KLF12: variants seen among roughly 807,000 people sequenced by gnomAD.
KLF12 encodes KLF transcription factor 12, also known as Krueppel-like factor 12.
A neutral mutation model predicts 37.8 loss-of-function variants in KLF12; 9 were observed. That is an observed-to-expected ratio of 0.24 (90% CI 0.14 to 0.42). The LOEUF is 0.42. KLF12 is among the 10% of genes least tolerant of loss of function. The probability of loss-of-function intolerance (pLI) is 1.00; values close to 1 mark genes in which losing one functional copy is unlikely to be tolerated. For missense variants in KLF12, 411 were observed against 516.0 expected (o/e 0.80, Z 1.97); for synonymous variants, 208 against 202.1 (o/e 1.03, Z -0.25).
chr13:73,952,493 C>A (rs1024967377), intron 2 of KLF12, among the ~76,000 whole-genome samples: 23 of 152,210 alleles, frequency 1.5e-4, no homozygotes, highest in Non-Finnish European at 2.8e-4. Flanking sequence ...GATCCAATCA[C>A]CTCCCATCAG....
intron 5 of KLF12, among the ~76,000 whole-genome samples, chr13:73,803,435 T>C (rs527723630): frequency 6.6e-6 from 1 of 152,164 alleles, no homozygotes; most frequent in African/African-American, 2.4e-5. Flanking sequence ...TTACCAGAGT[T>C]CTTCCCCAAA....
intron 3 of KLF12, among the ~76,000 whole-genome samples, chr13:73,905,735 G>A (rs1888250364): frequency 8.3e-6 from 1 of 120,188 alleles, no homozygotes; most frequent in South Asian, 2.4e-4. Context: ...TTGTTAATGT[G>A]CAATACATTT....
At chr13:74,147,130 A>G in the KLF12 span, among the ~76,000 whole-genome samples, 10 of 152,204 alleles carry the variant, frequency 6.6e-5, no homozygotes, top group African/African-American at 1.7e-4. Flanking sequence ...AGCTTCAGGA[A>G]AAGATGAGTG....
At chr13:73,944,316 G>A (rs1864259237) in intron 2 of KLF12, among the ~76,000 whole-genome samples, 1 of 152,152 alleles carries the variant, frequency 6.6e-6, no homozygotes, top group Non-Finnish European at 1.5e-5. Context: ...AGGTCAGACT[G>A]TAATAAACTG....
rs141081808 is a variant in KLF12 at position 73,730,415 on chromosome 13, C to T, written c.870-14890G>A. 4.4e-3 allele frequency among the ~76,000 whole-genome samples: 674 copies of T among 152,288 alleles called. 7 individuals are homozygous for T. Among genetic ancestry groups the T allele is most frequent in the African/African-American group, 0.015 (639 of 41,548 alleles). On this transcript the variant is annotated intron_variant, in intron 6 of 7. Coordinates refer to ENST00000377669, the MANE Select transcript of KLF12 (RefSeq NM_007249.5). ...CCCTGGCTAGGAAGTACGGGCAGGG[C>T]TCAGCTCATAGTTTACCTCCAAGCC...
intron 1 of KLF12, among the ~76,000 whole-genome samples, chr13:74,028,457 G>T (rs1232386276): frequency 6.6e-6 from 1 of 152,016 alleles, no homozygotes; most frequent in Non-Finnish European, 1.5e-5. Context: ...TAAATGTGGT[G>T]GTTTCACTAG....
intron 1 of KLF12, among the ~76,000 whole-genome samples, chr13:74,105,790 T>A (rs1876620044): frequency 6.6e-6 from 1 of 152,044 alleles, no homozygotes; most frequent in Admixed American, 6.6e-5. Flanking sequence ...AAAGAAAAAA[T>A]TAATATGTAC....
At chr13:73,863,601 G>A (rs376401165) in intron 3 of KLF12, among the ~76,000 whole-genome samples, 8 of 152,104 alleles carry the variant, frequency 5.3e-5, no homozygotes, top group Non-Finnish European at 2.9e-5. Flanking sequence ...TAGAATATCC[G>A]ATAGTTTGTA....
chr13:73,747,625 T>C (rs1269773554), intron 6 of KLF12, among the ~76,000 whole-genome samples: 2 of 152,206 alleles, frequency 1.3e-5, no homozygotes, highest in African/African-American at 4.8e-5. Flanking sequence ...TCAACACTTA[T>C]TTATTGCGTT....
chr13:73,772,626 G>A (rs1470823817), intron 5 of KLF12, among the ~76,000 whole-genome samples: 1 of 152,192 alleles, frequency 6.6e-6, no homozygotes, highest in Non-Finnish European at 1.5e-5. Flanking sequence ...AAGGTTTAGC[G>A]AGCCTGGAGG....
At chr13:74,095,523 G>C (rs1282825928) in intron 1 of KLF12, among the ~76,000 whole-genome samples, 2 of 151,926 alleles carry the variant, frequency 1.3e-5, no homozygotes, top group African/African-American at 4.8e-5. Context: ...CAAATAGCTG[G>C]GACTACAGGC....
chr13:73,863,576 C>G (rs1471699564), intron 3 of KLF12, among the ~76,000 whole-genome samples: 1 of 152,062 alleles, frequency 6.6e-6, no homozygotes, highest in African/African-American at 2.4e-5. Flanking sequence ...ATCTATTTTA[C>G]TGTAGTGCTA....
intron 1 of KLF12, among the ~76,000 whole-genome samples, chr13:74,074,880 T>G (rs1188242229): frequency 1.3e-5 from 2 of 152,186 alleles, no homozygotes; most frequent in African/African-American, 4.8e-5. Flanking sequence ...CTTGGACTGT[T>G]CCTGGATATC....
chr13:73,804,224 T>C (rs9543460), intron 5 of KLF12, among the ~76,000 whole-genome samples: 63,124 of 152,038 alleles, frequency 0.42, 14,358 homozygotes, highest in East Asian at 0.5. Flanking sequence ...GCACTTAATG[T>C]TTTTATCCCA....
chr13:73,800,445 C>T (rs1374257295), intron 5 of KLF12: 1 of 151,966 alleles, frequency 6.6e-6, no homozygotes, highest in African/African-American at 2.4e-5. Flanking sequence ...CAGATACATC[C>T]ATTCATTTGA....
chr13:74,049,005 C>T (rs1418468751), intron 1 of KLF12, among the ~76,000 whole-genome samples: 1 of 152,192 alleles, frequency 6.6e-6, no homozygotes, highest in South Asian at 2.1e-4. Flanking sequence ...CAGCTCCCTA[C>T]GACCAGAAAT....
intron 7 of KLF12, among the ~76,000 whole-genome samples, chr13:73,714,858 TA>T (rs936823451): frequency 6.6e-6 from 1 of 151,936 alleles, no homozygotes; most frequent in Non-Finnish European, 1.5e-5. Context: ...TCTCCCTATA[TA>T]AAAAAAATAC....
At chr13:73,994,321 A>T (rs569527692) in intron 2 of KLF12, among the ~76,000 whole-genome samples, 3 of 152,260 alleles carry the variant, frequency 2.0e-5, no homozygotes, top group Non-Finnish European at 4.4e-5. Context: ...AACCCTACTT[A>T]CGAAATAGAG....
intron 5 of KLF12, among the ~76,000 whole-genome samples, chr13:73,793,807 C>T (rs570325873): frequency 1.3e-5 from 2 of 152,340 alleles, no homozygotes; most frequent in African/African-American, 4.8e-5. Flanking sequence ...AACATCCATA[C>T]TCTCCTACTT....
Sources: allele counts gnomAD v4.1 joint callset (sites outside exome capture counted in the v4.1 genomes callset), GRCh38; gene constraint gnomAD v4.1.1; transcripts MANE v1.5; gene names NCBI Gene and HGNC (gene_info 2026-07-23, HGNC 2026-07-21).